Variants in CKAP2 observed in about 807,000 individuals in gnomAD.
The protein encoded by CKAP2 is cytoskeleton-associated protein 2.
A neutral mutation model predicts 58.4 loss-of-function variants in CKAP2; 46 were observed. The observed-to-expected ratio is 0.79, with a 90% CI of 0.62 to 1.01. The LOEUF (loss-of-function observed/expected upper bound fraction) is 1.01, where lower values mean the gene tolerates loss of function less well. Among genes scored for constraint, CKAP2 ranks in the 50% least tolerant of loss-of-function variants. CKAP2 has a pLI of 0.00. For synonymous variants in CKAP2, 293 were observed against 280.9 expected (o/e 1.04, Z -0.43); for missense variants, 809 against 796.4 (o/e 1.02, Z -0.19).
intron 5 of CKAP2, 31 bp from the exon 6 acceptor site, chr13:52,465,264 A>G (rs1213968947): frequency 6.3e-7 from 1 of 1,584,224 alleles, no homozygotes; most frequent in Admixed American, 1.8e-5. Flanking sequence ...AAGCTAAAAA[A>G]TATTACACAC....
At chr13:52,469,638 A>G (rs4603430) in intron 7 of CKAP2, among the ~76,000 whole-genome samples, 82,582 of 145,240 alleles carry the variant, frequency 0.57, 24,052 homozygotes, top group Middle Eastern at 0.69. Context: ...CGCCCAGGCC[A>G]GACTGCGGAC....
At chr13:52,471,193 G>C (rs1264859839) in intron 7 of CKAP2, among the ~76,000 whole-genome samples, 7 of 152,006 alleles carry the variant, frequency 4.6e-5, no homozygotes, top group Non-Finnish European at 8.8e-5. Flanking sequence ...ACCCAGTCCT[G>C]TCTCTTATTC....
At chr13:52,470,397 A>C (rs1566104524) in intron 7 of CKAP2, among the ~76,000 whole-genome samples, 1 of 152,010 alleles carries the variant, frequency 6.6e-6, no homozygotes, top group East Asian at 1.9e-4. Flanking sequence ...GAGCCACCGC[A>C]CCCGGCCAAC....
chr13:52,459,715 C>T (rs888689074), intron 2 of CKAP2, among the ~76,000 whole-genome samples: 6 of 152,020 alleles, frequency 3.9e-5, no homozygotes, highest in Admixed American at 3.3e-4. Context: ...GTCTAATTGA[C>T]CGTATTTTTT....
rs539117079 is a variant in CKAP2 at position 52,472,075 on chromosome 13, A to T, written c.1547-1754A>T. On this transcript the variant is annotated intron_variant, in intron 7 of 8. Transcript: ENST00000258607. ...CCAAGACAATCTTCTACTTTTTCTT[A>T]ATTTCTGCTTATCCTTTAGACTTCA... 6.6e-5 allele frequency among the ~76,000 whole-genome samples: 10 copies of T among 152,072 alleles called. No homozygotes were observed. The East Asian group carries it at 1.4e-3, about 21-fold the overall frequency.
In CKAP2 at chr13:52,461,238, A is replaced by G. The variant is rs1193135660; in HGVS notation, c.412A>G (p.Ser138Gly). Residue 138 changes from serine to glycine, a missense_variant, in exon 4 of 9, where the codon AGT becomes GGT. Ser to Gly is a moderately conservative substitution (Grantham distance 56). Around this residue, in one of 3 missense-constraint regions of CKAP2, gnomAD observed 523 missense variants for 492.4 expected, o/e 1.06. Coordinates refer to ENST00000258607, the MANE Select transcript of CKAP2 (RefSeq NM_018204.5). The stretch of plus-strand genomic sequence containing the variant: ...GTTACTAACTGAAGATGATCCCCAA[A>G]GTCAACATATGACATTAAGCCAGGC... ...HLLLTEDDPQ[S>G]QHMTLSQAFH... 1 of 1,613,820 alleles carries G rather than the reference A, an allele frequency of 6.2e-7. No individual in the cohort carries two copies. The highest frequency in any genetic ancestry group is 1.7e-5 in the Admixed American group (1 of 59,968).
chr13:52,463,479 A>T (rs181730387), intron 5 of CKAP2, among the ~76,000 whole-genome samples: 252 of 152,168 alleles, frequency 1.7e-3, no homozygotes, highest in Non-Finnish European at 2.8e-3. Flanking sequence ...TTAACAGTTT[A>T]AAAAAAGACA....
chr13:52,469,486 A>G (rs1958728257), intron 7 of CKAP2, among the ~76,000 whole-genome samples: 1 of 152,222 alleles, frequency 6.6e-6, no homozygotes, highest in Non-Finnish European at 1.5e-5. Flanking sequence ...TAAGATTCAG[A>G]TAAAGTTTAT....
chr13:52,473,895 G>A lies in CKAP2; in HGVS notation c.1613G>A (p.Gly538Asp). ...AAAGAAGTCAGTATTGAAGATACAG[G>A]TGTTGATGTAGATCCAGAAAAACTG... is the stretch of plus-strand genomic sequence containing the variant. ...EVKEVSIEDT[G>D]VDVDPEKLEM... is the part of the protein sequence containing the mutation. Residue 538 changes from glycine (G) to aspartate (D), a missense_variant, in exon 8 of 9, where the codon GGT becomes GAT. Physicochemically the swap from Gly to Asp is moderately conservative, Grantham distance 94 (BLOSUM62 -1). This residue lies in a region of CKAP2 where 283 missense variants were observed against 287.6 expected (regional missense o/e 0.98). Transcript: ENST00000258607. 1 of 1,613,798 alleles carries A rather than the reference G, an allele frequency of 6.2e-7. No individual in the cohort carries two copies. Among genetic ancestry groups the A allele is most frequent in the Non-Finnish European group, 8.5e-7 (1 of 1,179,716 alleles).
rs1178874033 is a variant in CKAP2 at position 52,475,138 on chromosome 13, A to G, written c.2046A>G (p.Thr682=). The G allele has an allele frequency of 1.9e-6, 3 of 1,611,610 alleles. No individual in the cohort carries two copies. The highest frequency in any genetic ancestry group is 2.2e-5 in the East Asian group (1 of 44,862). Residue 682 remains threonine (T), a synonymous_variant, in exon 9 of 9, where the codon ACA becomes ACG. Coordinates refer to ENST00000258607, the MANE Select transcript of CKAP2 (RefSeq NM_018204.5). ...GGGTGTACTATGAGGCTGATACAAC[A>G]TAAGAGAAATAAAGCTCTGTTAGGG... is the stretch of plus-strand genomic sequence containing the variant. ...LCRVYYEADT[T]
At chr13:52,474,283 C>T (rs892511889) in intron 8 of CKAP2, among the ~76,000 whole-genome samples, 199 bp downstream of exon 8, 1 of 151,836 alleles carries the variant, frequency 6.6e-6, no homozygotes, top group Admixed American at 6.6e-5. Context: ...CCCAGGAGTT[C>T]AAGACTATCC....
chr13:52,462,677 C>T, intron 5 of CKAP2, 110 bp downstream of exon 5: 1 of 789,438 alleles, frequency 1.3e-6, no homozygotes, highest in South Asian at 1.8e-5. Flanking sequence ...GTTGGTGATA[C>T]TATGTTGACT....
At chr13:52,469,758 G>A (rs1278815278) in intron 7 of CKAP2, among the ~76,000 whole-genome samples, 12 of 150,488 alleles carry the variant, frequency 8.0e-5, no homozygotes, top group African/African-American at 1.5e-4. Flanking sequence ...CACCGCGCCC[G>A]GCTAATTTTT....
chr13:52,458,145 A>T (rs1958517143), intron 2 of CKAP2, among the ~76,000 whole-genome samples: 1 of 152,154 alleles, frequency 6.6e-6, no homozygotes, highest in African/African-American at 2.4e-5. Context: ...TTAAGACAAA[A>T]AGGTGATCCT....
At chr13:52,465,538 C>A in intron 6 of CKAP2, 73 bp downstream of exon 6, 1 of 1,349,280 alleles carries the variant, frequency 7.4e-7, no homozygotes, top group Non-Finnish European at 1.0e-6. Flanking sequence ...AAACACATCA[C>A]AACATAACTT....
At chr13:52,468,384 G>A (rs1055214652) in intron 7 of CKAP2, 37 bp downstream of exon 7, 11 of 1,290,392 alleles carry the variant, frequency 8.5e-6, no homozygotes, top group Non-Finnish European at 1.2e-5. Context: ...CATGTGAACT[G>A]TAGTTTTTTT....
chr13:52,474,267 C>G (rs1958799038), intron 8 of CKAP2, among the ~76,000 whole-genome samples, 183 bp downstream of exon 8: 1 of 152,136 alleles, frequency 6.6e-6, no homozygotes, highest in South Asian at 2.1e-4. Flanking sequence ...AGACAGATCA[C>G]TTGAGCCCAG....
At chr13:52,468,394 T>TTG in intron 7 of CKAP2, 47 bp downstream of exon 7, 2 of 1,173,112 alleles carry the variant, frequency 1.7e-6, no homozygotes, top group Non-Finnish European at 2.5e-6. Context: ...GTAGTTTTTT[T>TTG]TTGTTGTTGT....
intron 7 of CKAP2, among the ~76,000 whole-genome samples, chr13:52,471,429 G>C (rs979005911): frequency 4.0e-5 from 6 of 151,648 alleles, no homozygotes; most frequent in South Asian, 2.1e-4. Flanking sequence ...GTAAGTTCTG[G>C]ATATAAAACC....
Sources: allele counts gnomAD v4.1 joint callset (sites outside exome capture counted in the v4.1 genomes callset), GRCh38; gene constraint gnomAD v4.1.1; regional missense constraint gnomAD v4.1.1; transcripts MANE v1.5; gene names NCBI Gene and HGNC (gene_info 2026-07-23, HGNC 2026-07-21).